PCDH9: variants seen among roughly 807,000 people sequenced by gnomAD.
PCDH9 encodes protocadherin-9.
Under a neutral mutation model 70.6 loss-of-function variants are expected in PCDH9, and 24 were observed. That is an observed-to-expected ratio of 0.34 (90% CI 0.25 to 0.48). The LOEUF (loss-of-function observed/expected upper bound fraction) is 0.48, where lower values mean the gene tolerates loss of function less well. Ranked by LOEUF, PCDH9 falls within the 20% of genes least tolerant of loss-of-function variation. The probability of loss-of-function intolerance (pLI) is 0.99; values close to 1 mark genes in which losing one functional copy is unlikely to be tolerated. For missense variants in PCDH9, 1,281 were observed against 1,503.6 expected (o/e 0.85, Z 2.45); for synonymous variants, 562 against 558.5 (o/e 1.01, Z -0.09).
At chr13:67,139,652 T>C (rs774843173) in intron 2 of PCDH9, among the ~76,000 whole-genome samples, 9 of 152,174 alleles carry the variant, frequency 5.9e-5, no homozygotes, top group Non-Finnish European at 1.0e-4. Flanking sequence ...AATCAGCAGT[T>C]TTGCTTTTCA....
At chr13:67,059,980 G>A (rs1414238157) in intron 2 of PCDH9, among the ~76,000 whole-genome samples, 4 of 149,118 alleles carry the variant, frequency 2.7e-5, no homozygotes, top group Non-Finnish European at 4.4e-5. Flanking sequence ...TGTTTATTAT[G>A]AGCTGTGTAT....
At chr13:66,731,248 C>T (rs1555262914) in intron 3 of PCDH9, among the ~76,000 whole-genome samples, 6 of 151,840 alleles carry the variant, frequency 4.0e-5, no homozygotes, top group Non-Finnish European at 7.4e-5. Flanking sequence ...TAAAATAACT[C>T]ACTAAGGAAG....
intron 3 of PCDH9, among the ~76,000 whole-genome samples, chr13:66,733,483 T>C (rs1205078037): frequency 2.0e-5 from 3 of 152,160 alleles, no homozygotes; most frequent in Admixed American, 1.3e-4. Context: ...CAAGAATTCA[T>C]TCCCTAGTTT....
chr13:66,372,182 GA>G (rs1475780005), intron 4 of PCDH9, among the ~76,000 whole-genome samples: 1 of 151,686 alleles, frequency 6.6e-6, no homozygotes, highest in Non-Finnish European at 1.5e-5. Context: ...TTGTAGTTTG[GA>G]AACTAAATCT....
At chr13:66,839,771 C>T (rs1451811044) in intron 3 of PCDH9, among the ~76,000 whole-genome samples, 1 of 152,192 alleles carries the variant, frequency 6.6e-6, no homozygotes, top group Admixed American at 6.5e-5. Flanking sequence ...AAGCTCTTGA[C>T]TGGTGTGCTA....
At chr13:66,644,548 G>C (rs1291677147) in intron 3 of PCDH9, among the ~76,000 whole-genome samples, 1 of 151,900 alleles carries the variant, frequency 6.6e-6, no homozygotes, top group Non-Finnish European at 1.5e-5. Context: ...TCAATATTAT[G>C]TTGAATCTTA....
Position 67,225,795 on chromosome 13 carries a change from C to G in PCDH9, c.2646G>C (p.Leu882Phe). The G allele has an allele frequency of 6.2e-7, 1 of 1,614,076 alleles. No homozygotes were observed. The highest frequency in any genetic ancestry group is 1.1e-5 in the South Asian group (1 of 91,016). Residue 882 changes from leucine to phenylalanine, a missense_variant, in exon 2 of 5, where the codon TTG (leucine) becomes TTC (phenylalanine). Around this residue, in one of 4 missense-constraint regions of PCDH9, gnomAD observed 207 missense variants for 191.8 expected, o/e 1.08. Coordinates refer to ENST00000377865, the MANE Select transcript of PCDH9 (RefSeq NM_203487.3). ...KKRKSPKSSL[L>F]NFVTIEESKP... Reference sequence around the variant, plus strand: ...TGGACTCTTCGATAGTAACAAAGTTCAAAAGAGAGCTTTTGGGAGACTTCC... The same window carrying G: ...TGGACTCTTCGATAGTAACAAAGTTGAAAAGAGAGCTTTTGGGAGACTTCC...
intron 2 of PCDH9, among the ~76,000 whole-genome samples, chr13:66,935,081 G>A (rs965770557): frequency 1.3e-5 from 2 of 151,062 alleles, no homozygotes; most frequent in African/African-American, 4.9e-5. Context: ...AATATTTTTT[G>A]GAGACGGGGT....
Position 66,927,159 on chromosome 13 carries a change from A to G in PCDH9, c.3037-23554T>C, listed in dbSNP as rs77008462. 3.1e-3 allele frequency among the ~76,000 whole-genome samples: 477 copies of G among 152,176 alleles called. 7 individuals carry two copies. Among genetic ancestry groups the G allele is most frequent in the East Asian group, 0.03 (157 of 5,158 alleles). ...CAGACAAGTGCCTAGTGCCTAGTAT[A>G]TTCATTTGCTAGGGCTGCCATAATG... is the stretch of plus-strand genomic sequence containing the variant. On this transcript the variant is annotated intron_variant, in intron 2 of 4. Coordinates refer to ENST00000377865, the MANE Select transcript of PCDH9 (RefSeq NM_203487.3).
chr13:67,120,388 A>C (rs2086854586), intron 2 of PCDH9, among the ~76,000 whole-genome samples: 1 of 152,068 alleles, frequency 6.6e-6, no homozygotes, highest in Admixed American at 6.6e-5. Flanking sequence ...AATCTTCACT[A>C]GTCCTCATGG....
chr13:67,142,027 A>G (rs2087405431), intron 2 of PCDH9, among the ~76,000 whole-genome samples: 1 of 152,182 alleles, frequency 6.6e-6, no homozygotes, highest in Non-Finnish European at 1.5e-5. Context: ...TGGGTTAGAA[A>G]ATACTGTGGT....
At chr13:67,034,005 GAC>G (rs1220568336) in intron 2 of PCDH9, among the ~76,000 whole-genome samples, 9 of 152,162 alleles carry the variant, frequency 5.9e-5, no homozygotes, top group African/African-American at 1.9e-4. Flanking sequence ...TGTTTTTTGA[GAC>G]AGAGTCTTGC....
intron 3 of PCDH9, among the ~76,000 whole-genome samples, chr13:66,806,770 T>C (rs1483307947): frequency 1.3e-5 from 2 of 152,202 alleles, no homozygotes; most frequent in Non-Finnish European, 2.9e-5. Context: ...AGTACGGTGC[T>C]TAGCACAGCA....
chr13:66,446,648 T>C (rs951583273), intron 4 of PCDH9, among the ~76,000 whole-genome samples: 4 of 152,050 alleles, frequency 2.6e-5, no homozygotes, highest in Non-Finnish European at 5.9e-5. Flanking sequence ...TTTGATTCCC[T>C]TGGGCAATGA....
At chr13:67,187,188 C>T (rs2138503260) in intron 2 of PCDH9, among the ~76,000 whole-genome samples, 1 of 152,208 alleles carries the variant, frequency 6.6e-6, no homozygotes, top group Admixed American at 6.5e-5. Flanking sequence ...ACAAACACAC[C>T]CAACGACTTA....
chr13:66,352,291 G>GT (rs1956305330), intron 4 of PCDH9, among the ~76,000 whole-genome samples: 1 of 152,124 alleles, frequency 6.6e-6, no homozygotes, highest in South Asian at 2.1e-4. Context: ...AATTCAGAGG[G>GT]TTTTTTGACA....
intron 4 of PCDH9, among the ~76,000 whole-genome samples, chr13:66,392,909 G>A (rs1304651788): frequency 1.8e-4 from 27 of 147,628 alleles, no homozygotes; most frequent in African/African-American, 5.7e-4. Context: ...TTTTTCTGAA[G>A]GTAACACTTT....
intron 3 of PCDH9, among the ~76,000 whole-genome samples, chr13:66,642,337 G>A (rs1359950932): frequency 6.6e-6 from 1 of 151,950 alleles, no homozygotes; most frequent in Non-Finnish European, 1.5e-5. Context: ...TTTTGGCTAT[G>A]TTTGGTGCTA....
chr13:66,617,263 G>A (rs1383593258), intron 4 of PCDH9, among the ~76,000 whole-genome samples: 1 of 152,166 alleles, frequency 6.6e-6, no homozygotes, highest in East Asian at 1.9e-4. Context: ...AAGATGGAAA[G>A]AGGGCACTCT....
Sources: gnomAD v4.1 joint callset for allele counts (sites outside exome capture counted in the v4.1 genomes callset) on GRCh38, gnomAD v4.1.1 for gene constraint, gnomAD v4.1.1 regional missense constraint, MANE v1.5 for transcripts, NCBI Gene and HGNC (gene_info 2026-07-23, HGNC 2026-07-21) for gene names.